The following HMCN1 variants were observed in gnomAD, a reference collection of about 807,000 sequenced individuals.
HMCN1 encodes the protein hemicentin 1, also known as hemicentin-1.
A neutral mutation model predicts 625.9 loss-of-function variants in HMCN1; 321 were observed. The observed-to-expected ratio is 0.51, with a 90% CI of 0.47 to 0.56. HMCN1 has a LOEUF of 0.56. Ranked by LOEUF, HMCN1 falls within the 20% of genes least tolerant of loss-of-function variation. The probability of loss-of-function intolerance (pLI) is 0.00; values close to 1 mark genes in which losing one functional copy is unlikely to be tolerated. For missense variants in HMCN1, 6,588 were observed against 6,887.3 expected, an observed-to-expected ratio of 0.96 and a Z score of 1.54; for synonymous variants, 2,425 against 2,417.6, an observed-to-expected ratio of 1.00 and a Z score of -0.09.
chr1:185,946,058 T>C (rs770098198), intron 11 of HMCN1, among the ~76,000 whole-genome samples: 8 of 152,150 alleles, frequency 5.3e-5, no homozygotes, highest in Non-Finnish European at 8.8e-5. Context: ...GTGGTGACCA[T>C]GATGAAGTTG....
At chr1:185,744,464 G>A (rs1654246018) in intron 1 of HMCN1, among the ~76,000 whole-genome samples, 4 of 152,114 alleles carry the variant, frequency 2.6e-5, no homozygotes, top group African/African-American at 9.7e-5. Context: ...ACCAACAAGA[G>A]AATCTAAAAA....
intron 1 of HMCN1, among the ~76,000 whole-genome samples, chr1:185,816,041 T>C (rs1278994414): frequency 6.7e-6 from 1 of 150,040 alleles, no homozygotes; most frequent in Non-Finnish European, 1.5e-5. Context: ...AAGTTTGATA[T>C]AGGCAAAAAT....
At chr1:185,798,186 T>C (rs1351465556) in intron 1 of HMCN1, among the ~76,000 whole-genome samples, 1 of 152,124 alleles carries the variant, frequency 6.6e-6, no homozygotes, top group East Asian at 1.9e-4. Flanking sequence ...AATGCAACAT[T>C]CATGGTGGAC....
intron 18 of HMCN1, 135 bp from the exon 19 acceptor site, chr1:185,984,034 C>T: frequency 1.5e-6 from 1 of 661,108 alleles, no homozygotes; most frequent in South Asian, 1.9e-5. Flanking sequence ...CATCGTTCTT[C>T]ACTTAAGGAC....
At chr1:185,999,744 T>A (rs12079734) in intron 25 of HMCN1, among the ~76,000 whole-genome samples, 1 of 152,054 alleles carries the variant, frequency 6.6e-6, no homozygotes, top group Non-Finnish European at 1.5e-5. Context: ...GTTCCTGCCC[T>A]GCCAACAAAT....
chr1:186,185,728 C>T (rs1653256433), intron 105 of HMCN1, among the ~76,000 whole-genome samples: 1 of 152,038 alleles, frequency 6.6e-6, no homozygotes, highest in Non-Finnish European at 1.5e-5. Flanking sequence ...GTATCAAGTC[C>T]CAATATAAAT....
intron 11 of HMCN1, among the ~76,000 whole-genome samples, chr1:185,940,357 T>G (rs1668019698): frequency 6.6e-6 from 1 of 151,104 alleles, no homozygotes; most frequent in South Asian, 2.1e-4. Flanking sequence ...CATGTTCCAT[T>G]TCACTTATTA....
At chr1:186,158,016 A>G (rs2102593816) in intron 97 of HMCN1, among the ~76,000 whole-genome samples, 1 of 150,660 alleles carries the variant, frequency 6.6e-6, no homozygotes, top group East Asian at 1.9e-4. Flanking sequence ...GAATCGCCAC[A>G]CTGACTTCCA....
chr1:185,891,273 A>G (rs1213769012), intron 4 of HMCN1, among the ~76,000 whole-genome samples: 1 of 139,316 alleles, frequency 7.2e-6, no homozygotes, highest in Non-Finnish European at 1.5e-5. Context: ...CCAATTTGCC[A>G]GTCTGTGTCT....
At chr1:186,153,452 C>A (rs999417237) in intron 96 of HMCN1, among the ~76,000 whole-genome samples, 1 of 152,168 alleles carries the variant, frequency 6.6e-6, no homozygotes, top group Admixed American at 6.6e-5. Flanking sequence ...TTCAGATCCT[C>A]ATTCCGCCAC....
intron 64 of HMCN1, 92 bp from the exon 65 acceptor site, chr1:186,093,042 C>T (rs1659927634): frequency 1.3e-6 from 2 of 1,548,554 alleles, no homozygotes; most frequent in Non-Finnish European, 1.8e-6. Context: ...AATTTTCCAT[C>T]ACTTTCAGTA....
At chr1:185,894,831 G>A (rs1235671168) in intron 4 of HMCN1, among the ~76,000 whole-genome samples, 3 of 152,170 alleles carry the variant, frequency 2.0e-5, no homozygotes, top group Non-Finnish European at 4.4e-5. Context: ...GGATTCACAT[G>A]AAAATAATTA....
In HMCN1 at chr1:186,093,671, TC is replaced by T. The variant is rs1334501505; in HGVS notation, c.10196+3del. The stretch of plus-strand genomic sequence containing the variant: ...ACTGGCAGCAGGACAAGTTATCAGG[TC>T]AGCTTTTATTGTGTCTGATTTCCTA... On this transcript the variant is annotated splice_donor_region_variant and intron_variant, in intron 66 of 106. Transcript: ENST00000271588. 6.2e-7 allele frequency: 1 copy of T among 1,613,180 alleles called. No individual in the cohort carries two copies. Among genetic ancestry groups the T allele is most frequent in the South Asian group, 1.1e-5 (1 of 91,080 alleles).
chr1:186,063,096 A>ATATATATATATGTATATATATATG (rs1185102259), intron 48 of HMCN1, among the ~76,000 whole-genome samples: 6 of 115,404 alleles, frequency 5.2e-5, no homozygotes, highest in East Asian at 5.2e-4. Flanking sequence ...ATATATATAT[A>ATATATATATATGTATATATATATG]TATATATCAC....
intron 72 of HMCN1, among the ~76,000 whole-genome samples, chr1:186,113,748 C>A (rs1660994161): frequency 6.6e-6 from 1 of 152,150 alleles, no homozygotes; most frequent in African/African-American, 2.4e-5. Flanking sequence ...TTTCATACAC[C>A]ATATTAGGGA....
intron 2 of HMCN1, among the ~76,000 whole-genome samples, chr1:185,861,005 A>G (rs886205806): frequency 1.2e-4 from 19 of 152,154 alleles, no homozygotes; most frequent in African/African-American, 4.6e-4. Context: ...ATTTCAGTAC[A>G]TGATTTTTTT....
intron 30 of HMCN1, among the ~76,000 whole-genome samples, chr1:186,008,886 T>G (rs1653807886): frequency 6.6e-6 from 1 of 152,202 alleles, no homozygotes; most frequent in Admixed American, 6.5e-5. Context: ...TCTCCCTTTT[T>G]AAATGTTACT....
At chr1:185,966,735 A>G (rs1650431638) in intron 14 of HMCN1, among the ~76,000 whole-genome samples, 1 of 152,178 alleles carries the variant, frequency 6.6e-6, no homozygotes, top group Non-Finnish European at 1.5e-5. Context: ...TATTGTTATG[A>G]TTCTGTTTGT....
intron 11 of HMCN1, among the ~76,000 whole-genome samples, chr1:185,951,800 C>T (rs1026405098): frequency 1.3e-5 from 2 of 151,808 alleles, no homozygotes; most frequent in Non-Finnish European, 2.9e-5. Flanking sequence ...GAACGCCTGG[C>T]TGCTGCGGTT....
Sources: allele counts gnomAD v4.1 joint callset (sites outside exome capture counted in the v4.1 genomes callset), GRCh38; gene constraint gnomAD v4.1.1; transcripts MANE v1.5; gene names NCBI Gene and HGNC (gene_info 2026-07-23, HGNC 2026-07-21).